Variants in UBXN4 observed in about 807,000 individuals in gnomAD.
UBXN4 encodes the protein UBX domain protein 4, also known as UBX domain-containing protein 4.
Under a neutral mutation model 66.2 loss-of-function variants are expected in UBXN4, and 35 were observed. The observed-to-expected ratio is 0.53, with a 90% CI of 0.40 to 0.70. The LOEUF is 0.70. Among genes scored for constraint, UBXN4 ranks in the 30% least tolerant of loss-of-function variants. UBXN4 has a pLI of 0.00. For synonymous variants in UBXN4, 203 were observed against 204.5 expected, an observed-to-expected ratio of 0.99 and a Z score of 0.06; for missense variants, 533 against 599.8, an observed-to-expected ratio of 0.89 and a Z score of 1.16.
intron 5 of UBXN4, among the ~76,000 whole-genome samples, chr2:135,758,765 T>A (rs1430601499): frequency 1.4e-5 from 2 of 146,954 alleles, no homozygotes; most frequent in Non-Finnish European, 3.0e-5. Flanking sequence ...TTTAAAATAA[T>A]TTTTTTTTTT....
intron 10 of UBXN4, 89 bp from the exon 11 acceptor site, chr2:135,778,859 C>T: frequency 7.6e-7 from 1 of 1,318,196 alleles, no homozygotes; most frequent in Admixed American, 2.7e-5. Context: ...AAAATTAAGG[C>T]AATGTTAATT....
At chr2:135,764,028 G>T (rs1217441111) in intron 6 of UBXN4, among the ~76,000 whole-genome samples, 1 of 152,104 alleles carries the variant, frequency 6.6e-6, no homozygotes, top group Non-Finnish European at 1.5e-5. Flanking sequence ...GGAGGTTGAG[G>T]CAGGAAAATT....
intron 9 of UBXN4, among the ~76,000 whole-genome samples, chr2:135,775,820 G>GCCAC (rs1435404054): frequency 6.6e-6 from 1 of 152,208 alleles, no homozygotes; most frequent in Non-Finnish European, 1.5e-5. Context: ...AGGCTGGAGT[G>GCCAC]CGGTGGCATG....
At chr2:135,750,650 C>T (rs1227700500) in intron 2 of UBXN4, among the ~76,000 whole-genome samples, 1 of 151,730 alleles carries the variant, frequency 6.6e-6, no homozygotes, top group Admixed American at 6.6e-5. Flanking sequence ...TATGTATTTA[C>T]TGAGTAGTTT....
chr2:135,772,982 A>G lies in UBXN4; in HGVS notation c.950+435A>G, dbSNP rs544065155. The stretch of plus-strand genomic sequence containing the variant: ...AACCCGGGAGGCGGAGCTTGCAGTG[A>G]GCCGAGATTGCGCCACTGCACTCCA... On this transcript the variant is annotated intron_variant, in intron 9 of 12. Coordinates refer to ENST00000272638, the MANE Select transcript of UBXN4 (RefSeq NM_014607.4). 6.0e-3 allele frequency among the ~76,000 whole-genome samples: 865 copies of G among 143,210 alleles called. 1 individual carries two copies. Among genetic ancestry groups the G allele is most frequent in the Non-Finnish European group, 8.9e-3 (593 of 66,608 alleles). 94.0% of individuals were successfully genotyped at this position (143,210 alleles called of 152,430 possible). A position where few individuals can be genotyped will look rare whatever the true frequency, so the allele number is the denominator to read the frequency against.
intron 6 of UBXN4, among the ~76,000 whole-genome samples, chr2:135,763,076 C>T (rs2077325078): frequency 6.6e-6 from 1 of 152,200 alleles, no homozygotes; most frequent in Admixed American, 6.5e-5. Flanking sequence ...AATTAATTCA[C>T]AAGCTGAGAT....
Position 135,782,999 on chromosome 2 carries a change from GTC to G in UBXN4, c.*116_*117del, listed in dbSNP as rs1343280484. 5.8e-6 allele frequency: 7 copies of G among 1,199,668 alleles called. No individual in the cohort carries two copies. The highest frequency in any genetic ancestry group is 8.1e-6 in the Non-Finnish European group (7 of 860,108). 74.3% of individuals were successfully genotyped at this position (1,199,668 alleles called of 1,614,324 possible). A position where few individuals can be genotyped will look rare whatever the true frequency, so the allele number is the denominator to read the frequency against. ...ATATTTTCCAACTGGTCTATAAAAT[GTC>G]TCTTTATTCCTGCTTAGTGGGTGTG... On this transcript the variant is annotated 3_prime_UTR_variant, in exon 13 of 13. Transcript: ENST00000272638.
At chr2:135,769,241 A>G (rs1321004669) in intron 6 of UBXN4, among the ~76,000 whole-genome samples, 1 of 149,040 alleles carries the variant, frequency 6.7e-6, no homozygotes. Context: ...AGATCCACCA[A>G]CCTCAGCCCT....
chr2:135,780,084 T>C lies in UBXN4; in HGVS notation c.1186-99T>C, dbSNP rs1559544613. On this transcript the variant is annotated intron_variant, in intron 11 of 12. Transcript: ENST00000272638. ...CCCTCTTGAAGTAAACTAAAATTGG[T>C]AGGACCTCCTTTTCCAGATAAAAGT... 5 of 1,142,034 alleles carry C rather than the reference T, an allele frequency of 4.4e-6. No individual in the cohort carries two copies. In the South Asian group the frequency reaches 5.8e-5, roughly 13 times the overall value. The allele number at this position is 1,142,034 out of a possible 1,614,324, so 70.7% of individuals were successfully genotyped here.
At chr2:135,768,876 A>AT (rs1483800019) in intron 6 of UBXN4, among the ~76,000 whole-genome samples, 1 of 150,396 alleles carries the variant, frequency 6.6e-6, no homozygotes, top group Non-Finnish European at 1.5e-5. Flanking sequence ...CTGATTTTTT[A>AT]TTTTTTGTAA....
chr2:135,773,714 G>A (rs114887181), intron 9 of UBXN4, among the ~76,000 whole-genome samples: 89 of 152,276 alleles, frequency 5.8e-4, no homozygotes, highest in African/African-American at 2.1e-3. Context: ...AATACTTATT[G>A]TCTTCTCTGT....
intron 5 of UBXN4, 71 bp downstream of exon 5, chr2:135,755,762 A>C: frequency 1.0e-6 from 1 of 965,198 alleles, no homozygotes; most frequent in Non-Finnish European, 1.3e-6. Context: ...AAATATTAAT[A>C]TTTTAAAAAT....
At chr2:135,744,683 T>C (rs767615809) in intron 1 of UBXN4, among the ~76,000 whole-genome samples, 10 of 152,160 alleles carry the variant, frequency 6.6e-5, no homozygotes, top group Non-Finnish European at 1.5e-4. Context: ...TGCTTCTGAG[T>C]TCGTGTTGCT....
chr2:135,747,642 T>C, intron 1 of UBXN4: 1 of 456,468 alleles, frequency 2.2e-6, no homozygotes, highest in Non-Finnish European at 4.4e-6. Flanking sequence ...AACTTTTTAT[T>C]TTTCTCTCTC....
intron 2 of UBXN4, among the ~76,000 whole-genome samples, chr2:135,748,948 A>T (rs2077226230): frequency 6.6e-6 from 1 of 151,842 alleles, no homozygotes. Context: ...AGGTAAGAGG[A>T]TCACTTGAGC....
chr2:135,769,717 A>C (rs368387342), intron 6 of UBXN4, 52 bp from the exon 7 acceptor site: 1 of 1,343,864 alleles, frequency 7.4e-7, no homozygotes, highest in East Asian at 2.4e-5. Context: ...AATGTGTTTT[A>C]TATTAATATG....
chr2:135,778,814 A>T, intron 10 of UBXN4, 134 bp from the exon 11 acceptor site: 1 of 992,776 alleles, frequency 1.0e-6, no homozygotes, highest in Non-Finnish European at 1.4e-6. Context: ...GCACAATTTT[A>T]TACCTTTTTT....
chr2:135,777,407 A>G (rs2077422785), intron 10 of UBXN4, among the ~76,000 whole-genome samples: 1 of 152,220 alleles, frequency 6.6e-6, no homozygotes, highest in Admixed American at 6.5e-5. Context: ...AGGCTGGACA[A>G]TGTAAACGTT....
intron 5 of UBXN4, 45 bp from the exon 6 acceptor site, chr2:135,761,773 T>G (rs989126008): frequency 3.5e-6 from 5 of 1,438,024 alleles, no homozygotes; most frequent in East Asian, 2.4e-5. Context: ...TTTAAAAAGT[T>G]GCATTAAATG....
Sources: allele counts gnomAD v4.1 joint callset (sites outside exome capture counted in the v4.1 genomes callset), GRCh38; gene constraint gnomAD v4.1.1; transcripts MANE v1.5; gene names NCBI Gene and HGNC (gene_info 2026-07-23, HGNC 2026-07-21).